ECE1: variants seen among roughly 807,000 people sequenced by gnomAD.
The protein encoded by ECE1 is endothelin-converting enzyme 1.
Under a neutral mutation model 98.6 loss-of-function variants are expected in ECE1, and 35 were observed. That is an observed-to-expected ratio of 0.35 (90% confidence interval 0.27 to 0.47). ECE1 has a LOEUF of 0.47. Ranked by LOEUF, ECE1 falls within the 20% of genes least tolerant of loss-of-function variation. ECE1 has a pLI of 1.00. For synonymous variants in ECE1, 394 were observed against 407.1 expected, an observed-to-expected ratio of 0.97 and a Z score of 0.39; for missense variants, 814 against 1,025.3, an observed-to-expected ratio of 0.79 and a Z score of 2.81.
chr1:21,266,005 C>T (rs975374573), intron 4 of ECE1: 4 of 152,234 alleles, frequency 2.6e-5, no homozygotes, highest in Non-Finnish European at 5.9e-5. Flanking sequence ...AGTCCCTACC[C>T]CAAAGTCCCA....
At position 21,218,587 on chromosome 1, in the gene ECE1, T is replaced by C. The variant is rs752372158; in HGVS notation, c.*1368A>G. The C allele has an allele frequency of 2.0e-5, 3 of 152,282 alleles. No individual in the cohort carries two copies. Among genetic ancestry groups the C allele is most frequent in the Non-Finnish European group, 4.4e-5 (3 of 68,264 alleles). 9.4% of individuals were successfully genotyped at this position (152,282 alleles called of 1,614,324 possible). A position where few individuals can be genotyped will look rare whatever the true frequency, so the allele number is the denominator to read the frequency against. On this transcript the variant is annotated 3_prime_UTR_variant, in exon 19 of 19. Transcript: ENST00000374893. The surrounding 1 kb of genome is among the most constrained non-coding windows in gnomAD (Gnocchi z 4.0). ...GGGTCCTGCGGGAGGTGACAGCTGT[T>C]TCTCTTTTCTTTTTTTTGGGACGGA...
intron 1 of ECE1, among the ~76,000 whole-genome samples, chr1:21,329,093 C>T (rs1639142389): frequency 6.6e-6 from 1 of 152,060 alleles, no homozygotes; most frequent in Non-Finnish European, 1.5e-5. Flanking sequence ...AGTGTTGGAC[C>T]CAGAGAAGAC....
chr1:21,261,591 C>T (rs941875063), intron 4 of ECE1, among the ~76,000 whole-genome samples: 1 of 152,184 alleles, frequency 6.6e-6, no homozygotes, highest in African/African-American at 2.4e-5. Flanking sequence ...CTGTGTCCAC[C>T]ATTAGACCGT....
intron 1 of ECE1, among the ~76,000 whole-genome samples, chr1:21,336,668 C>G (rs12086204): frequency 5.9e-5 from 9 of 152,110 alleles, no homozygotes; most frequent in Non-Finnish European, 1.3e-4. Context: ...ACAGTGAAAC[C>G]CTGTCTCAAC....
intron 8 of ECE1, among the ~76,000 whole-genome samples, chr1:21,248,622 TTTTTC>T (rs1195168213): frequency 2.0e-5 from 3 of 152,086 alleles, no homozygotes; most frequent in Admixed American, 6.5e-5. Context: ...CAGAGCTCTC[TTTTTC>T]TTTTCTTTTT....
Position 21,321,770 on chromosome 1 carries a change from C to T in ECE1, c.3+23606G>A, listed in dbSNP as rs148911456. The stretch of plus-strand genomic sequence containing the variant: ...AGCTGGAATTAGAGGCACGTGCCAC[C>T]ACACCCGGCTAATTTTTGTATTTTT... On this transcript the variant is annotated intron_variant, in intron 1 of 18. Coordinates refer to the ECE1 transcript ENST00000415912. Among the ~76,000 whole-genome samples the T allele has an allele frequency of 4.4e-3, 663 of 152,286 alleles. 7 individuals are homozygous for T. The highest frequency in any genetic ancestry group is 0.038 in the South Asian group (185 of 4,822).
At chr1:21,256,385 G>A (rs536022583) in intron 7 of ECE1, among the ~76,000 whole-genome samples, 3 of 152,242 alleles carry the variant, frequency 2.0e-5, no homozygotes, top group South Asian at 2.1e-4. Flanking sequence ...GCGAAACCCC[G>A]TCTCTACTAA....
At chr1:21,272,191 A>T (rs1358244975) in intron 4 of ECE1, among the ~76,000 whole-genome samples, 1 of 152,224 alleles carries the variant, frequency 6.6e-6, no homozygotes, top group African/African-American at 2.4e-5. Context: ...ACTGAGGTTC[A>T]GAGATATGTG....
intron 1 of ECE1, among the ~76,000 whole-genome samples, chr1:21,333,349 G>A (rs546431422): frequency 6.6e-6 from 1 of 151,384 alleles, no homozygotes; most frequent in East Asian, 2.0e-4. Flanking sequence ...GGGGCGGGGG[G>A]GTGGGTGGGT....
intron 1 of ECE1, among the ~76,000 whole-genome samples, chr1:21,331,443 A>G (rs57438913): frequency 2.6e-3 from 393 of 152,046 alleles, no homozygotes; most frequent in Middle Eastern, 0.024. Flanking sequence ...TTAGCCGGGT[A>G]TGGTGGTGCA....
In ECE1 at chr1:21,290,388, C is replaced by T; in HGVS notation, c.27G>A (p.Val9=). 1 of 1,237,102 alleles carries T rather than the reference C, an allele frequency of 8.1e-7. No homozygotes were observed. The highest frequency in any genetic ancestry group is 1.6e-5 in the African/African-American group (1 of 64,236). 76.6% of individuals were successfully genotyped at this position (1,237,102 alleles called of 1,614,324 possible). A position where few individuals can be genotyped will look rare whatever the true frequency, so the allele number is the denominator to read the frequency against. MRGVWPPP[V]SALLSALGMS... ...CCCCCAGCGCCGACAGCAGGGCGGA[C>T]ACCGGGGGCGGCCACACGCCCCGCA... is the stretch of plus-strand genomic sequence containing the variant. The change falls in exon 1 of 19, where the codon GTG becomes GTA. Residue 9 remains valine (V), a synonymous_variant. Coordinates refer to ENST00000374893, the MANE Select transcript of ECE1 (RefSeq NM_001397.3). The surrounding 1 kb of genome is among the most constrained non-coding windows in gnomAD (Gnocchi z 7.3).
intron 2 of ECE1, chr1:21,279,571 C>A: frequency 1.4e-6 from 2 of 1,441,840 alleles, no homozygotes; most frequent in Non-Finnish European, 1.8e-6. Context: ...CCCCGACAGG[C>A]TTGTTTTTTT....
chr1:21,305,399 G>C (rs1638574018), intron 1 of ECE1, among the ~76,000 whole-genome samples: 1 of 152,188 alleles, frequency 6.6e-6, no homozygotes, highest in Non-Finnish European at 1.5e-5. Flanking sequence ...AAACAGACTT[G>C]AGTGAATCCC....
intron 1 of ECE1, among the ~76,000 whole-genome samples, chr1:21,306,888 T>C (rs1243227561): frequency 1.3e-5 from 2 of 152,028 alleles, no homozygotes; most frequent in African/African-American, 4.8e-5. Flanking sequence ...CCCCCCAATC[T>C]ACAGATGAAC....
intron 4 of ECE1, chr1:21,266,133 G>C (rs1171748740): frequency 6.6e-6 from 1 of 152,304 alleles, no homozygotes; most frequent in Admixed American, 6.5e-5. Flanking sequence ...GCAGAGCTGT[G>C]GGGTATGATA....
intron 12 of ECE1, 44 bp downstream of exon 12, chr1:21,236,702 G>C (rs1292755733): frequency 3.8e-6 from 6 of 1,573,512 alleles, no homozygotes; most frequent in Non-Finnish European, 5.2e-6. Flanking sequence ...CTCTATCTGT[G>C]CTGGACGCCG....
chr1:21,283,143 G>GT (rs1315469495), intron 2 of ECE1, among the ~76,000 whole-genome samples: 1 of 151,732 alleles, frequency 6.6e-6, no homozygotes, highest in Non-Finnish European at 1.5e-5. Context: ...GGGTTTCACC[G>GT]TGTTAGCCAG....
At position 21,220,176 on chromosome 1, in the gene ECE1, T is replaced by C; in HGVS notation, c.2137-45A>G. On this transcript the variant is annotated intron_variant, in intron 18 of 18. Coordinates refer to ENST00000374893, the MANE Select transcript of ECE1 (RefSeq NM_001397.3). This position sits in a 1 kb window ranked among gnomAD's most constrained non-coding sequence, Gnocchi z 5.0. ...AGAGGCCAGGGTCACTGTGGGGCCC[T>C]CGGGCTGCCAGACTGCCCCCATTAT... The C allele has an allele frequency of 6.3e-7, 1 of 1,575,468 alleles. No homozygotes were observed. Among genetic ancestry groups the C allele is most frequent in the Non-Finnish European group, 8.6e-7 (1 of 1,157,886 alleles).
chr1:21,227,115 G>T (rs748647535), intron 16 of ECE1, 44 bp downstream of exon 16: 2 of 1,596,920 alleles, frequency 1.3e-6, no homozygotes, highest in Non-Finnish European at 1.7e-6. Context: ...CTTAAAGCAC[G>T]GAGATTACAG....
Sources: allele counts gnomAD v4.1 joint callset (sites outside exome capture counted in the v4.1 genomes callset), GRCh38; gene constraint gnomAD v4.1.1; non-coding constraint Gnocchi (gnomAD v3.1); transcripts MANE v1.5; gene names NCBI Gene and HGNC (gene_info 2026-07-23, HGNC 2026-07-21).